Variants in OCA2 observed in about 807,000 individuals in gnomAD.
OCA2 encodes P protein.
OCA2 carries 77 observed loss-of-function variants against 100.2 expected under a neutral mutation model. The observed-to-expected ratio is 0.77, with a 90% CI of 0.64 to 0.93. OCA2 has a LOEUF of 0.93. Among genes scored for constraint, OCA2 ranks in the 40% least tolerant of loss-of-function variants. The pLI is 0.00. For synonymous variants in OCA2, 432 were observed against 439.2 expected (o/e 0.98, Z 0.21); for missense variants, 1,062 against 1,089.1 (o/e 0.98, Z 0.35).
intron 19 of OCA2, among the ~76,000 whole-genome samples, chr15:27,889,608 C>T (rs143571874): frequency 2.9e-4 from 44 of 152,298 alleles, no homozygotes; most frequent in African/African-American, 9.9e-4. Context: ...AGTGCCCATC[C>T]GTCATGGGGC....
At chr15:28,062,035 C>T (rs1285403853) in intron 2 of OCA2, among the ~76,000 whole-genome samples, 2 of 152,198 alleles carry the variant, frequency 1.3e-5, no homozygotes, top group Non-Finnish European at 2.9e-5. Flanking sequence ...AACACATATG[C>T]ACAAGTTTTA....
At chr15:27,959,890 T>C (rs945607077) in intron 15 of OCA2, among the ~76,000 whole-genome samples, 1 of 152,230 alleles carries the variant, frequency 6.6e-6, no homozygotes, top group African/African-American at 2.4e-5. Context: ...TTTGTATTCC[T>C]AGTTGTGGAA....
chr15:27,931,508 G>A (rs1357116341), intron 18 of OCA2, among the ~76,000 whole-genome samples: 2 of 151,902 alleles, frequency 1.3e-5, no homozygotes, highest in Non-Finnish European at 2.9e-5. Flanking sequence ...CTAATTTTTT[G>A]TATTTTTAGC....
chr15:27,767,597 TAAATGCACCAATCAGCACTCTGTAA>T (rs946962893), intron 23 of OCA2, among the ~76,000 whole-genome samples: 6 of 151,802 alleles, frequency 4.0e-5, no homozygotes, highest in Non-Finnish European at 7.4e-5. Context: ...TAAAGGATTG[TAAATGCACCAATCAGCACTCTGTAA>T]AAATGCACCA....
At position 27,986,700 on chromosome 15, in the gene OCA2, G is replaced by A. The variant is rs369319828; in HGVS notation, c.1183-57C>T. The A allele has an allele frequency of 2.7e-4, 307 of 1,132,942 alleles. No homozygotes were observed. The African/African-American group carries it at 3.9e-3, about 14-fold the overall frequency. The allele number at this position is 1,132,942 out of a possible 1,614,324, so 70.2% of individuals were successfully genotyped here. On this transcript the variant is annotated intron_variant, in intron 11 of 23. Transcript: ENST00000354638. ...TTTTAGCAGGACACCATATTAAAAC[G>A]ACATCAGCATGATCCCTTACACATT...
At chr15:27,799,290 A>G (rs1379092063) in intron 23 of OCA2, among the ~76,000 whole-genome samples, 1 of 152,232 alleles carries the variant, frequency 6.6e-6, no homozygotes, top group Non-Finnish European at 1.5e-5. Flanking sequence ...GTGAACACGT[A>G]GAGGTCTCTG....
the OCA2 span, among the ~76,000 whole-genome samples, chr15:27,738,758 T>TA: frequency 6.6e-6 from 1 of 151,210 alleles, no homozygotes; most frequent in African/African-American, 2.4e-5. Context: ...GCAACTAACC[T>TA]ACGGAGCTAA....
intron 17 of OCA2, among the ~76,000 whole-genome samples, chr15:27,954,007 A>G (rs1293167901): frequency 6.6e-6 from 1 of 151,998 alleles, no homozygotes; most frequent in African/African-American, 2.4e-5. Context: ...AGAACATACA[A>G]TGTTTGATTT....
intron 11 of OCA2, among the ~76,000 whole-genome samples, chr15:27,987,096 C>A (rs973138190): frequency 2.6e-5 from 4 of 152,176 alleles, no homozygotes; most frequent in African/African-American, 9.7e-5. Flanking sequence ...AAATTGGGTT[C>A]AATTTTGTTT....
intron 23 of OCA2, among the ~76,000 whole-genome samples, chr15:27,764,308 A>C (rs1038332300): frequency 8.5e-5 from 13 of 152,136 alleles, no homozygotes; most frequent in Admixed American, 3.3e-4. Flanking sequence ...TCCTGGCTTC[A>C]TCATCTGCTT....
At chr15:27,734,731 G>A in the OCA2 span, among the ~76,000 whole-genome samples, 1 of 152,178 alleles carries the variant, frequency 6.6e-6, no homozygotes, top group Non-Finnish European at 1.5e-5. Context: ...TTGTCTCCTG[G>A]CACCACACTG....
intron 14 of OCA2, among the ~76,000 whole-genome samples, chr15:27,975,656 G>A (rs2040942904): frequency 6.6e-6 from 1 of 152,118 alleles, no homozygotes; most frequent in Non-Finnish European, 1.5e-5. Flanking sequence ...TGTCTGTCTT[G>A]ATGCCAAAAC....
At chr15:27,753,241 G>A (rs1194063078), downstream of OCA2, among the ~76,000 whole-genome samples, 1 of 151,980 alleles carries the variant, frequency 6.6e-6, no homozygotes, top group East Asian at 1.9e-4. Flanking sequence ...GGAAGTGTTG[G>A]AGCGTCAGAG....
chr15:27,782,729 A>G (rs2032606913), intron 23 of OCA2, among the ~76,000 whole-genome samples: 1 of 152,086 alleles, frequency 6.6e-6, no homozygotes, highest in African/African-American at 2.4e-5. Flanking sequence ...TCTCTTCCTA[A>G]CCTGATTCTT....
chr15:27,722,665 TC>T, the OCA2 span, among the ~76,000 whole-genome samples: 2,780 of 87,478 alleles, frequency 0.032, 69 homozygotes, highest in African/African-American at 0.13. Context: ...TCTCTTTCTT[TC>T]CTTTCTTTTC....
intron 23 of OCA2, among the ~76,000 whole-genome samples, chr15:27,793,586 T>A (rs2033184911): frequency 6.6e-6 from 1 of 152,230 alleles, no homozygotes; most frequent in Non-Finnish European, 1.5e-5. Context: ...ATCCTAGGAT[T>A]TGAGAGCTGA....
intron 23 of OCA2, among the ~76,000 whole-genome samples, chr15:27,833,796 A>G (rs1446332519): frequency 3.3e-5 from 5 of 152,254 alleles, no homozygotes. Context: ...AGAAACACTG[A>G]CAGTGAATGG....
At chr15:28,050,019 C>A (rs1317400593) in intron 2 of OCA2, among the ~76,000 whole-genome samples, 3 of 152,084 alleles carry the variant, frequency 2.0e-5, no homozygotes, top group Non-Finnish European at 2.9e-5. Context: ...TAGTTCACAC[C>A]TGTAATCCCA....
intron 2 of OCA2, among the ~76,000 whole-genome samples, chr15:28,056,724 C>A (rs1051310444): frequency 2.6e-5 from 4 of 152,278 alleles, no homozygotes; most frequent in Non-Finnish European, 5.9e-5. Flanking sequence ...CCATGTGACA[C>A]CCCAGTGGGG....
Sources: allele counts gnomAD v4.1 joint callset (sites outside exome capture counted in the v4.1 genomes callset), GRCh38; gene constraint gnomAD v4.1.1; transcripts MANE v1.5; gene names NCBI Gene and HGNC (gene_info 2026-07-23, HGNC 2026-07-21).